FBN1: variants seen among roughly 807,000 people sequenced by gnomAD.
FBN1 encodes the protein fibrillin 1, also known as fibrillin-1.
In FBN1, 29 loss-of-function variants were observed where a neutral mutation model predicts 365.1. The ratio of observed to expected loss-of-function variants is 0.08; its 90% CI spans 0.06 to 0.11. The LOEUF is 0.11. FBN1 is among the 10% of genes least tolerant of loss of function. The pLI is 1.00. For synonymous variants in FBN1, 1,210 were observed against 1,270.5 expected (o/e 0.95, Z 1.01); for missense variants, 2,476 against 3,703.2 (o/e 0.67, Z 8.60).
intron 6 of FBN1, among the ~76,000 whole-genome samples, chr15:48,582,684 T>A (rs2044404468): frequency 6.6e-6 from 1 of 152,216 alleles, no homozygotes; most frequent in Non-Finnish European, 1.5e-5. Flanking sequence ...TTCAAAAGTA[T>A]GCATTATCTC....
rs924220789 is a variant in FBN1 at position 48,441,920 on chromosome 15, G to A, written c.6038-74C>T. 125 of 1,525,586 alleles carry A rather than the reference G, an allele frequency of 8.2e-5. No homozygotes were observed. The East Asian group carries it at 2.8e-3, about 34-fold the overall frequency. 94.5% of individuals were successfully genotyped at this position (1,525,586 alleles called of 1,614,324 possible). ...CATCAGGTACCAAACACACAATGTGGACACACAAAGGGCAACTGAGTTTCC... is the reference window on the plus strand; with the variant it reads ...CATCAGGTACCAAACACACAATGTGAACACACAAAGGGCAACTGAGTTTCC... On this transcript the variant is annotated intron_variant, in intron 49 of 65. Coordinates refer to ENST00000316623, the MANE Select transcript of FBN1 (RefSeq NM_000138.5).
At chr15:48,448,923 C>T (rs1278259760) in intron 45 of FBN1, 30 bp from the exon 46 acceptor site, 1 of 1,587,646 alleles carries the variant, frequency 6.3e-7, no homozygotes, top group Non-Finnish European at 8.6e-7. Context: ...TAAGTGAGAA[C>T]TTAGAAGACA....
At chr15:48,447,176 G>A (rs1323024391) in intron 46 of FBN1, among the ~76,000 whole-genome samples, 2 of 152,110 alleles carry the variant, frequency 1.3e-5, no homozygotes, top group Admixed American at 1.3e-4. Flanking sequence ...GTGCATCTGG[G>A]TCTTGAGGTG....
chr15:48,558,843 T>C (rs1444366520), intron 6 of FBN1, among the ~76,000 whole-genome samples: 1 of 152,206 alleles, frequency 6.6e-6, no homozygotes, highest in Non-Finnish European at 1.5e-5. Context: ...AGCTCTGACT[T>C]GCTGGTTAAA....
At chr15:48,494,072 A>G in intron 23 of FBN1, 132 bp downstream of exon 23, 1 of 732,524 alleles carries the variant, frequency 1.4e-6, no homozygotes, top group South Asian at 1.5e-5. Context: ...TCCGTTTTGT[A>G]GTTCTCATTA....
In FBN1 at chr15:48,497,987, A is replaced by G. The variant is rs541122561; in HGVS notation, c.2168-596T>C. On this transcript the variant is annotated intron_variant, in intron 18 of 65. Coordinates refer to ENST00000316623, the MANE Select transcript of FBN1 (RefSeq NM_000138.5). The stretch of plus-strand genomic sequence containing the variant: ...TTGGAGCAGGCCTATTTACAGGTCA[A>G]AAGCCAGCTCCAACACCACATGCTC... Among the ~76,000 whole-genome samples the G allele has an allele frequency of 9.8e-5, 15 of 152,296 alleles. No individual in the cohort carries two copies. The South Asian group carries it at 3.1e-3, about 32-fold the overall frequency.
chr15:48,636,010 G>T (rs1244167158), intron 2 of FBN1, among the ~76,000 whole-genome samples: 1 of 152,218 alleles, frequency 6.6e-6, no homozygotes, highest in South Asian at 2.1e-4. Context: ...CCTTCTCAAA[G>T]ATCTATTGCC....
chr15:48,532,079 TAA>T (rs2141351046), intron 8 of FBN1, among the ~76,000 whole-genome samples: 1 of 152,324 alleles, frequency 6.6e-6, no homozygotes, highest in South Asian at 2.1e-4. Flanking sequence ...TTAGCATCAA[TAA>T]AAAGATTCGA....
intron 48 of FBN1, among the ~76,000 whole-genome samples, chr15:48,445,145 CATATATATATACAT>C: frequency 9.4e-6 from 1 of 106,780 alleles, no homozygotes; most frequent in Admixed American, 9.3e-5. Context: ...TACACACACA[CATATATATATACAT>C]ATATATATAC....
chr15:48,523,977 T>C (rs1426608898), intron 9 of FBN1, among the ~76,000 whole-genome samples: 1 of 152,146 alleles, frequency 6.6e-6, no homozygotes, highest in African/African-American at 2.4e-5. Context: ...GCAAATATAT[T>C]ATGGATTAAA....
chr15:48,476,353 T>G (rs1406409368), intron 32 of FBN1, among the ~76,000 whole-genome samples: 2 of 152,218 alleles, frequency 1.3e-5, no homozygotes, highest in Non-Finnish European at 2.9e-5. Flanking sequence ...TAATCTTATG[T>G]GGACACAAAA....
intron 2 of FBN1, among the ~76,000 whole-genome samples, chr15:48,623,689 G>C (rs536654794): frequency 2.6e-5 from 4 of 152,294 alleles, no homozygotes; most frequent in South Asian, 4.1e-4. Context: ...AAAATTCATA[G>C]AGTGACCTTG....
intron 6 of FBN1, among the ~76,000 whole-genome samples, chr15:48,579,746 A>G (rs999599353): frequency 1.3e-5 from 2 of 152,182 alleles, no homozygotes; most frequent in South Asian, 2.1e-4. Context: ...TTCCAAGCTC[A>G]TATGTCCTAA....
intron 41 of FBN1, 117 bp downstream of exon 41, chr15:48,463,782 G>T: frequency 8.7e-7 from 1 of 1,154,258 alleles, no homozygotes; most frequent in Non-Finnish European, 1.3e-6. Flanking sequence ...AGACAGTGAA[G>T]GGATGCCAGC....
At chr15:48,586,726 T>A (rs1368845153) in intron 6 of FBN1, among the ~76,000 whole-genome samples, 1 of 152,202 alleles carries the variant, frequency 6.6e-6, no homozygotes. Flanking sequence ...AATGAAGATC[T>A]TCCTCCAAAA....
At chr15:48,522,089 C>T (rs2043862300) in intron 9 of FBN1, among the ~76,000 whole-genome samples, 1 of 152,178 alleles carries the variant, frequency 6.6e-6, no homozygotes. Context: ...TGCGAGGGTT[C>T]TAGGTTGTGT....
At position 48,452,545 on chromosome 15, in the gene FBN1, T is replaced by C. The variant is rs759369401; in HGVS notation, c.5545+17A>G. 1.2e-6 allele frequency: 2 copies of C among 1,614,144 alleles called. No homozygotes were observed. The highest frequency in any genetic ancestry group is 1.7e-6 in the Non-Finnish European group (2 of 1,179,956). On this transcript the variant is annotated intron_variant, in intron 45 of 65. Coordinates refer to ENST00000316623, the MANE Select transcript of FBN1 (RefSeq NM_000138.5). Reference sequence around the variant, plus strand: ...AACTCTTGGGTAGGCATGTCCAGCCTGTGGGGCACTACATACCATTGCACT... The same window carrying C: ...AACTCTTGGGTAGGCATGTCCAGCCCGTGGGGCACTACATACCATTGCACT...
At chr15:48,557,956 T>C (rs912762747) in intron 6 of FBN1, among the ~76,000 whole-genome samples, 1 of 152,180 alleles carries the variant, frequency 6.6e-6, no homozygotes, top group African/African-American at 2.4e-5. Context: ...GCTTCTCCTA[T>C]GTGGCTAAGT....
At chr15:48,467,387 G>A (rs1030150196) in intron 38 of FBN1, among the ~76,000 whole-genome samples, 2 of 152,152 alleles carry the variant, frequency 1.3e-5, no homozygotes, top group African/African-American at 4.8e-5. Context: ...TGCCAAAGAA[G>A]CTACATCTAA....
Sources: allele counts gnomAD v4.1 joint callset (sites outside exome capture counted in the v4.1 genomes callset), GRCh38; gene constraint gnomAD v4.1.1; transcripts MANE v1.5; gene names NCBI Gene and HGNC (gene_info 2026-07-23, HGNC 2026-07-21).